IL7: variants seen among roughly 807,000 people sequenced by gnomAD.
The protein encoded by IL7 is interleukin-7.
IL7 carries 3 observed loss-of-function variants against 21.6 expected under a neutral mutation model. The ratio of observed to expected loss-of-function variants is 0.14; its 90% CI spans 0.06 to 0.36. IL7 has a LOEUF of 0.36. Ranked by LOEUF, IL7 falls within the 10% of genes least tolerant of loss-of-function variation. The pLI is 1.00. For missense variants in IL7, 175 were observed against 200.2 expected (o/e 0.87, Z 0.76); for synonymous variants, 62 against 68.1 (o/e 0.91, Z 0.44).
chr8:78,798,098 G>C lies in IL7; in HGVS notation c.121C>G (p.Leu41Val). The C allele has an allele frequency of 6.2e-7, 1 of 1,611,410 alleles. No homozygotes were observed. Among genetic ancestry groups the C allele is most frequent in the Non-Finnish European group, 8.5e-7 (1 of 1,178,288 alleles). ...GKDGKQYESV[L>V]MVSIDQLLDS... The stretch of plus-strand genomic sequence containing the variant: ...AATAATTGATCGATGCTGACCATTA[G>C]AACACTCTCATATTGTTTGCCATCT... The change falls in exon 2 of 6, where the codon CTA becomes GTA. Residue 41 changes from leucine (L) to valine (V), a missense_variant. Transcript: ENST00000263851.
intron 2 of IL7, chr8:78,761,673 T>C (rs1812563147): frequency 3.1e-6 from 5 of 1,612,016 alleles, no homozygotes; most frequent in Non-Finnish European, 4.2e-6. Flanking sequence ...CTCACTTCCC[T>C]GAGAGTTTCT....
intron 4 of IL7, among the ~76,000 whole-genome samples, chr8:78,681,589 A>G (rs77189445): frequency 0.037 from 5,611 of 152,220 alleles, 314 homozygotes; most frequent in African/African-American, 0.13. Flanking sequence ...GTTGTTTTCT[A>G]TTCCCTGAAA....
At chr8:78,708,871 T>C (rs185381523) in intron 3 of IL7, among the ~76,000 whole-genome samples, 22 of 152,216 alleles carry the variant, frequency 1.4e-4, no homozygotes, top group Middle Eastern at 3.4e-3. Flanking sequence ...GTTTTCACCA[T>C]GTTAGGCTGG....
At chr8:78,798,024 A>G (rs770944847) in intron 2 of IL7, 48 bp downstream of exon 2, 3 of 1,509,072 alleles carry the variant, frequency 2.0e-6, no homozygotes, top group Non-Finnish European at 2.7e-6. Flanking sequence ...AAAAGGTTCA[A>G]ATTTTCCCAA....
At position 78,805,093 on chromosome 8, in the gene IL7, A is replaced by T. The variant is rs1283147767; in HGVS notation, c.-171T>A. ...TTACCCACGCCGCGACTGCAGTTTC[A>T]TCCATCCCAAGGGGGGCGGCACACA... is the stretch of plus-strand genomic sequence containing the variant. On this transcript the variant is annotated 5_prime_UTR_variant, in exon 1 of 6. It removes an upstream start codon present in the reference 5' UTR. Transcript: ENST00000263851. The T allele has an allele frequency of 3.3e-5, 21 of 636,238 alleles. No homozygotes were observed. In the East Asian group the frequency reaches 6.5e-4, roughly 20 times the overall value. 39.4% of individuals were successfully genotyped at this position (636,238 alleles called of 1,614,324 possible).
At chr8:78,697,428 A>C (rs1262738102) in intron 3 of IL7, 6 of 1,601,388 alleles carry the variant, frequency 3.7e-6, no homozygotes, top group Non-Finnish European at 5.1e-6. Context: ...CGCACTTAAA[A>C]AGTCAAATTC....
chr8:78,741,969 T>G (rs1811797907), intron 2 of IL7, among the ~76,000 whole-genome samples: 1 of 152,116 alleles, frequency 6.6e-6, no homozygotes, highest in Non-Finnish European at 1.5e-5. Flanking sequence ...TTGACCAAAG[T>G]CCCAATAATT....
At chr8:78,738,438 G>C in intron 4 of IL7, 66 bp downstream of exon 4, 2 of 1,314,722 alleles carry the variant, frequency 1.5e-6, no homozygotes, top group Non-Finnish European at 2.1e-6. Context: ...GATCATCAGA[G>C]AATAGTGGTA....
chr8:78,803,437 T>C (rs532589142), intron 1 of IL7, among the ~76,000 whole-genome samples: 1 of 152,190 alleles, frequency 6.6e-6, no homozygotes, highest in South Asian at 2.1e-4. Context: ...GGGTAAAGAG[T>C]AACATTATGT....
At chr8:78,723,098 T>TATATATAC (rs1187447775) in intron 3 of IL7, among the ~76,000 whole-genome samples, 1 of 118,090 alleles carries the variant, frequency 8.5e-6, no homozygotes, top group African/African-American at 2.6e-5. Flanking sequence ...TACAAATATA[T>TATATATAC]ATATATATAT....
At chr8:78,678,424 A>G (rs1809654899) in intron 4 of IL7, 1 of 653,924 alleles carries the variant, frequency 1.5e-6, no homozygotes, top group Non-Finnish European at 2.7e-6. Context: ...GGCAAGGTGT[A>G]TCTTATTTAT....
chr8:78,735,276 C>CTTTTTTTTTTTTTTTTTGTTT, intron 5 of IL7, among the ~76,000 whole-genome samples: 2 of 78,510 alleles, frequency 2.5e-5, no homozygotes, highest in East Asian at 3.7e-4. Context: ...CTTTTCTTTT[C>CTTTTTTTTTTTTTTTTTGTTT]TTTTTTTTTT....
intron 3 of IL7, among the ~76,000 whole-genome samples, chr8:78,686,942 A>G (rs1809999001): frequency 6.6e-6 from 1 of 152,170 alleles, no homozygotes; most frequent in Non-Finnish European, 1.5e-5. Context: ...GTAGTCATTC[A>G]GCAGGAGTCA....
At chr8:78,690,057 T>C (rs1191725222) in intron 3 of IL7, among the ~76,000 whole-genome samples, 1 of 152,190 alleles carries the variant, frequency 6.6e-6, no homozygotes, top group Non-Finnish European at 1.5e-5. Context: ...TTTAAAGGAC[T>C]TTTCTTTCCC....
chr8:78,708,570 A>G (rs1348715597), intron 3 of IL7, among the ~76,000 whole-genome samples: 1 of 152,164 alleles, frequency 6.6e-6, no homozygotes, highest in African/African-American at 2.4e-5. Flanking sequence ...TGTAAAAAAA[A>G]GCAATCAAAT....
At chr8:78,788,342 T>C (rs1012395819) in intron 2 of IL7, among the ~76,000 whole-genome samples, 3 of 152,152 alleles carry the variant, frequency 2.0e-5, no homozygotes, top group Middle Eastern at 3.2e-3. Flanking sequence ...GATTAGACTA[T>C]TGATTTTATA....
At chr8:78,689,450 A>G (rs1308710501) in intron 3 of IL7, 2 of 1,367,788 alleles carry the variant, frequency 1.5e-6, no homozygotes, top group Non-Finnish European at 1.9e-6. Context: ...TATGCTTTTC[A>G]TGACATTAGA....
intron 6 of IL7, chr8:78,718,680 T>C (rs568151275): frequency 1.3e-5 from 2 of 151,968 alleles, no homozygotes; most frequent in Admixed American, 1.3e-4. Flanking sequence ...TACACACAAA[T>C]TTAATTATTT....
chr8:78,757,308 A>ATGG (rs1311370285), intron 2 of IL7, among the ~76,000 whole-genome samples: 4 of 152,014 alleles, frequency 2.6e-5, no homozygotes, highest in Admixed American at 2.6e-4. Flanking sequence ...GGACTAGCAT[A>ATGG]TGGTTTATCC....
Sources: allele counts gnomAD v4.1 joint callset (sites outside exome capture counted in the v4.1 genomes callset), GRCh38; gene constraint gnomAD v4.1.1; transcripts MANE v1.5; gene names NCBI Gene and HGNC (gene_info 2026-07-23, HGNC 2026-07-21).